Variants in ANK1 observed in about 807,000 individuals in gnomAD.
ANK1 encodes the protein ankyrin 1.
A neutral mutation model predicts 210.4 loss-of-function variants in ANK1; 51 were observed. That is an observed-to-expected ratio of 0.24 (90% CI 0.19 to 0.31). The LOEUF is 0.31. Among genes scored for constraint, ANK1 ranks in the 10% least tolerant of loss-of-function variants. The probability of loss-of-function intolerance (pLI) is 1.00; values close to 1 mark genes in which losing one functional copy is unlikely to be tolerated. For synonymous variants in ANK1, 967 were observed against 1,025.9 expected (o/e 0.94, Z 1.10); for missense variants, 2,051 against 2,504.4 (o/e 0.82, Z 3.86).
At chr8:41,754,418 T>C (rs1936439577) in intron 2 of ANK1, among the ~76,000 whole-genome samples, 1 of 152,208 alleles carries the variant, frequency 6.6e-6, no homozygotes. Flanking sequence ...TATTCAGACA[T>C]CTCTTATATA....
At chr8:41,833,282 C>A (rs569448063) in intron 1 of ANK1, among the ~76,000 whole-genome samples, 1 of 152,354 alleles carries the variant, frequency 6.6e-6, no homozygotes, top group South Asian at 2.1e-4. Flanking sequence ...CCCCAGTCAC[C>A]CCTGGTGGCC....
At chr8:41,720,633 T>C (rs1022163767) in intron 9 of ANK1, among the ~76,000 whole-genome samples, 1 of 151,856 alleles carries the variant, frequency 6.6e-6, no homozygotes, top group African/African-American at 2.4e-5. Context: ...ACAGACATGG[T>C]GTTGTCTTTC....
chr8:41,707,603 C>T (rs1386836690), intron 17 of ANK1, among the ~76,000 whole-genome samples: 1 of 152,194 alleles, frequency 6.6e-6, no homozygotes, highest in Non-Finnish European at 1.5e-5. Flanking sequence ...TGAGCTAACA[C>T]CAATAATCTG....
At chr8:41,663,250 G>C (rs978373736) in intron 40 of ANK1, among the ~76,000 whole-genome samples, 1 of 152,110 alleles carries the variant, frequency 6.6e-6, no homozygotes, top group East Asian at 1.9e-4. Context: ...CTCCCAAAGT[G>C]CTGGGATCAC....
At chr8:41,835,467 T>G (rs1344658369) in intron 1 of ANK1, among the ~76,000 whole-genome samples, 1 of 150,536 alleles carries the variant, frequency 6.6e-6, no homozygotes, top group Non-Finnish European at 1.5e-5. Flanking sequence ...TAAAATAAAA[T>G]AAAAATTAAA....
intron 1 of ANK1, among the ~76,000 whole-genome samples, chr8:41,760,082 C>A (rs1182635733): frequency 1.3e-5 from 2 of 152,230 alleles, no homozygotes; most frequent in Non-Finnish European, 2.9e-5. Context: ...CCACCCCATG[C>A]ATCTCAGACC....
At chr8:41,892,146 T>C (rs1819560152) in intron 1 of ANK1, among the ~76,000 whole-genome samples, 1 of 151,962 alleles carries the variant, frequency 6.6e-6, no homozygotes, top group Non-Finnish European at 1.5e-5. Flanking sequence ...TTAACTTTCC[T>C]CCCTCCATCC....
At chr8:41,773,055 A>AC (rs147985298) in intron 1 of ANK1, among the ~76,000 whole-genome samples, 9 of 151,764 alleles carry the variant, frequency 5.9e-5, no homozygotes, top group East Asian at 3.9e-4. Flanking sequence ...ATCCAGCCTG[A>AC]CCCCCCCTAA....
At chr8:41,869,565 G>A (rs1563937808) in intron 1 of ANK1, among the ~76,000 whole-genome samples, 1 of 152,156 alleles carries the variant, frequency 6.6e-6, no homozygotes, top group Non-Finnish European at 1.5e-5. Context: ...GGGTGACAGA[G>A]CGAGACCATC....
chr8:41,725,174 G>C (rs759159338), intron 6 of ANK1, among the ~76,000 whole-genome samples: 1 of 152,230 alleles, frequency 6.6e-6, no homozygotes, highest in Non-Finnish European at 1.5e-5. Flanking sequence ...ACCCCACCCA[G>C]GTGTTTTCCA....
chr8:41,786,958 G>T (rs921101740), intron 1 of ANK1, among the ~76,000 whole-genome samples: 1 of 152,214 alleles, frequency 6.6e-6, no homozygotes, highest in Admixed American at 6.5e-5. Context: ...ACACAGCAAG[G>T]TTGACATGTT....
At chr8:41,688,678 G>A in intron 33 of ANK1, 89 bp from the exon 34 acceptor site, 1 of 1,157,898 alleles carries the variant, frequency 8.6e-7, no homozygotes, top group African/African-American at 1.5e-5. Flanking sequence ...CAGGGGTGTG[G>A]AAGGCTGACC....
intron 20 of ANK1, among the ~76,000 whole-genome samples, chr8:41,703,423 T>TATAC (rs1491120767): frequency 3.1e-5 from 1 of 32,734 alleles, no homozygotes; most frequent in Non-Finnish European, 7.0e-5. Context: ...TGTGTGTGTG[T>TATAC]ATATATATAT....
intron 1 of ANK1, among the ~76,000 whole-genome samples, chr8:41,847,016 G>A (rs1488376857): frequency 6.6e-6 from 1 of 152,182 alleles, no homozygotes; most frequent in African/African-American, 2.4e-5. Context: ...CAGCCCTTGA[G>A]GCCAGAAACA....
intron 1 of ANK1, among the ~76,000 whole-genome samples, chr8:41,812,667 C>A (rs1041810894): frequency 1.8e-4 from 27 of 152,314 alleles, no homozygotes; most frequent in African/African-American, 6.0e-4. Context: ...ATAGCGGTCC[C>A]CAAGCTTTTT....
Position 41,797,552 on chromosome 8 carries a change from C to T in ANK1, c.-14G>A, listed in dbSNP as rs373433306. 105 of 1,613,410 alleles carry T rather than the reference C, an allele frequency of 6.5e-5. No individual in the cohort carries two copies. Among genetic ancestry groups the T allele is most frequent in the Non-Finnish European group, 8.7e-5 (103 of 1,179,868 alleles). Reference sequence around the variant, plus strand: ...AGAATAGGGCATGCCGGTCTTTCAGCAGGGGCCCGCCGAAGGGCCTTGGGG... The same window carrying T: ...AGAATAGGGCATGCCGGTCTTTCAGTAGGGGCCCGCCGAAGGGCCTTGGGG... On this transcript the variant is annotated 5_prime_UTR_variant, in exon 1 of 43. Transcript: ENST00000289734. This position sits in a 1 kb window ranked among gnomAD's most constrained non-coding sequence, Gnocchi z 4.0.
intron 20 of ANK1, 66 bp from the exon 21 acceptor site, chr8:41,702,210 C>T: frequency 1.5e-6 from 2 of 1,353,268 alleles, no homozygotes; most frequent in South Asian, 1.2e-5. Flanking sequence ...GGCTGGCTCC[C>T]TAGACACAGA....
intron 1 of ANK1, among the ~76,000 whole-genome samples, chr8:41,780,954 G>A (rs187916831): frequency 4.6e-5 from 7 of 152,152 alleles, no homozygotes; most frequent in Admixed American, 4.6e-4. Context: ...GCTGGGGGTG[G>A]GGAGAGAATA....
At chr8:41,811,200 C>T (rs978457779) in intron 1 of ANK1, among the ~76,000 whole-genome samples, 3 of 152,288 alleles carry the variant, frequency 2.0e-5, no homozygotes, top group Admixed American at 2.0e-4. Flanking sequence ...TACCATAATT[C>T]AAACCTTGTT....
Sources: allele counts gnomAD v4.1 joint callset (sites outside exome capture counted in the v4.1 genomes callset), GRCh38; gene constraint gnomAD v4.1.1; non-coding constraint Gnocchi (gnomAD v3.1); transcripts MANE v1.5; gene names NCBI Gene and HGNC (gene_info 2026-07-23, HGNC 2026-07-21).